MYLK: variants seen among roughly 807,000 people sequenced by gnomAD.
MYLK encodes myosin light chain kinase.
MYLK carries 106 observed loss-of-function variants against 203.4 expected under a neutral mutation model. That is an observed-to-expected ratio of 0.52 (90% CI 0.45 to 0.61). The LOEUF (loss-of-function observed/expected upper bound fraction) is 0.61. MYLK is among the 20% of genes least tolerant of loss of function. MYLK has a pLI of 0.00. For missense variants in MYLK, 2,072 were observed against 2,442.3 expected, an observed-to-expected ratio of 0.85 and a Z score of 3.20; for synonymous variants, 867 against 959.5, an observed-to-expected ratio of 0.90 and a Z score of 1.78.
chr3:123,813,667 C>T (rs1167705295), intron 3 of MYLK, among the ~76,000 whole-genome samples: 6 of 152,104 alleles, frequency 3.9e-5, no homozygotes, highest in Admixed American at 6.5e-5. Context: ...TGTGCGACCA[C>T]GCCTGACTAA....
intron 3 of MYLK, among the ~76,000 whole-genome samples, chr3:123,814,918 G>A (rs1276251041): frequency 1.3e-5 from 2 of 151,790 alleles, no homozygotes; most frequent in Non-Finnish European, 2.9e-5. Context: ...TCAGCCTCCC[G>A]AGTAGCTAGG....
At chr3:123,749,452 A>C (rs193024897) in intron 5 of MYLK, among the ~76,000 whole-genome samples, 188 of 152,276 alleles carry the variant, frequency 1.2e-3, no homozygotes, top group Non-Finnish European at 1.8e-3. Context: ...AGCTGTCTTC[A>C]GATAGCCTTC....
chr3:123,669,654 T>C (rs901964853), intron 20 of MYLK, among the ~76,000 whole-genome samples: 14 of 152,056 alleles, frequency 9.2e-5, no homozygotes, highest in African/African-American at 2.9e-4. Flanking sequence ...TATATACATA[T>C]ATATGTGTGT....
Position 123,697,504 on chromosome 3 carries a change from A to C in MYLK, c.3448+2516T>G, listed in dbSNP as rs12163585. On this transcript the variant is annotated intron_variant, in intron 18 of 33. Transcript: ENST00000360304. ...TCAGCTGCCACCAGTACCCTGATAA[A>C]ATAATAGGAATTAACTAAGAGGTCA... is the stretch of plus-strand genomic sequence containing the variant. Among the ~76,000 whole-genome samples, 5,600 of 152,268 alleles carry C rather than the reference A, an allele frequency of 0.037. 702 individuals are homozygous for C. The East Asian group carries it at 0.47, about 13-fold the overall frequency.
chr3:123,870,774 A>G (rs966502361), intron 2 of MYLK, among the ~76,000 whole-genome samples: 1 of 152,232 alleles, frequency 6.6e-6, no homozygotes, highest in Admixed American at 6.5e-5. Flanking sequence ...CCGTGCTCCA[A>G]TGGCAGAGAT....
In MYLK at chr3:123,735,274, C is replaced by G. The variant is rs569607621; in HGVS notation, c.773+124G>C. 7 of 1,297,236 alleles carry G rather than the reference C, an allele frequency of 5.4e-6. No individual in the cohort carries two copies. The South Asian group carries it at 7.1e-5, about 13-fold the overall frequency. 80.4% of individuals were successfully genotyped at this position (1,297,236 alleles called of 1,614,324 possible). The stretch of plus-strand genomic sequence containing the variant: ...AGACAAAACACCCAAAATAAAACAA[C>G]ATCCTCCAAATGGCCAATTCTTCTG... On this transcript the variant is annotated intron_variant, in intron 9 of 33. Transcript: ENST00000360304.
At chr3:123,883,273 C>A (rs2033658155) in intron 1 of MYLK, among the ~76,000 whole-genome samples, 1 of 152,048 alleles carries the variant, frequency 6.6e-6, no homozygotes, top group South Asian at 2.1e-4. Flanking sequence ...TAAAAACCAA[C>A]GGCCTGAGGT....
chr3:123,631,253 C>T (rs1017379792), intron 29 of MYLK, among the ~76,000 whole-genome samples: 2 of 152,208 alleles, frequency 1.3e-5, no homozygotes, highest in African/African-American at 4.8e-5. Flanking sequence ...CAAAAATTAG[C>T]TGGGCATGGT....
At chr3:123,759,842 T>C (rs2063479055) in intron 4 of MYLK, among the ~76,000 whole-genome samples, 1 of 152,310 alleles carries the variant, frequency 6.6e-6, no homozygotes, top group South Asian at 2.1e-4. Flanking sequence ...GGAAGCCATC[T>C]GGAGAATAAG....
At chr3:123,695,542 A>G (rs1248202871) in intron 18 of MYLK, among the ~76,000 whole-genome samples, 2 of 146,148 alleles carry the variant, frequency 1.4e-5, no homozygotes, top group African/African-American at 5.6e-5. Flanking sequence ...ATTGAAAAAG[A>G]TAATATATAG....
At chr3:123,780,220 C>T (rs949747683) in intron 4 of MYLK, among the ~76,000 whole-genome samples, 1 of 151,710 alleles carries the variant, frequency 6.6e-6, no homozygotes, top group African/African-American at 2.4e-5. Flanking sequence ...GATCACCTGA[C>T]GTCAGGAGTT....
chr3:123,843,441 C>A (rs2066641514), intron 2 of MYLK, among the ~76,000 whole-genome samples: 1 of 152,040 alleles, frequency 6.6e-6, no homozygotes, highest in Admixed American at 6.6e-5. Context: ...GGGAGCAGGA[C>A]AAGGAGACTA....
In MYLK at chr3:123,857,189, G is replaced by A. The variant is rs1389363949; in HGVS notation, c.-127+19370C>T. Among the ~76,000 whole-genome samples, 1,034 of 151,686 alleles carry A rather than the reference G, an allele frequency of 6.8e-3. 8 individuals carry two copies. The highest frequency in any genetic ancestry group is 0.016 in the African/African-American group (662 of 41,100). ...TGTGGAGAAATAGGAACACTTTTAC[G>A]CTGTTGGTGGGACTGTAAACTAGTT... is the stretch of plus-strand genomic sequence containing the variant. On this transcript the variant is annotated intron_variant, in intron 2 of 33. Transcript: ENST00000360304.
At chr3:123,619,604 C>G (rs2057730416) in intron 32 of MYLK, among the ~76,000 whole-genome samples, 1 of 152,166 alleles carries the variant, frequency 6.6e-6, no homozygotes, top group East Asian at 1.9e-4. Context: ...CAGGAAAAGG[C>G]TGGGGTTTTC....
chr3:123,853,357 G>C (rs2148671320), intron 2 of MYLK, among the ~76,000 whole-genome samples: 1 of 152,216 alleles, frequency 6.6e-6, no homozygotes, highest in African/African-American at 2.4e-5. Context: ...GAAAAGGAAA[G>C]GCTTTTTAAG....
In MYLK at chr3:123,708,741, G is replaced by A. The variant is rs751748206; in HGVS notation, c.2097C>T (p.Asn699=). 1.2e-6 allele frequency: 2 copies of A among 1,614,184 alleles called. No homozygotes were observed. The highest frequency in any genetic ancestry group is 1.7e-6 in the Non-Finnish European group (2 of 1,180,040). ...CCTGGGTGCGGACCTCTCCAGCGCT[G>A]TTCCAGGCCTCGCAGGTGTACGTGC... ...DTGTYTCEAW[N]SAGEVRTQAV... Residue 699 remains asparagine (N), a synonymous_variant, in exon 15 of 34, where the codon AAC becomes AAT. Coordinates refer to ENST00000360304, the MANE Select transcript of MYLK (RefSeq NM_053025.4).
intron 2 of MYLK, among the ~76,000 whole-genome samples, chr3:123,843,713 C>A (rs560366490): frequency 6.6e-6 from 1 of 152,284 alleles, no homozygotes; most frequent in African/African-American, 2.4e-5. Flanking sequence ...CAGCAAGAAA[C>A]AGGAAGGAAG....
At position 123,640,616 on chromosome 3, in the gene MYLK, G is replaced by A; in HGVS notation, c.4620-112C>T. The A allele has an allele frequency of 1.8e-6, 2 of 1,119,306 alleles. No homozygotes were observed. Among genetic ancestry groups the A allele is most frequent in the Non-Finnish European group, 2.7e-6 (2 of 751,722 alleles). The allele number at this position is 1,119,306 out of a possible 1,614,324, so 69.3% of individuals were successfully genotyped here. A position where few individuals can be genotyped will look rare whatever the true frequency, so the allele number is the denominator to read the frequency against. ...AGGAGAAATTGGCAGGAAAGCCCAG[G>A]GAATGGGGGTGATGGGCAATTCCTG... On this transcript the variant is annotated intron_variant, in intron 27 of 33. Coordinates refer to ENST00000360304, the MANE Select transcript of MYLK (RefSeq NM_053025.4). The surrounding 1 kb of genome is among the most constrained non-coding windows in gnomAD (Gnocchi z 4.3).
intron 4 of MYLK, among the ~76,000 whole-genome samples, chr3:123,792,663 C>A (rs540745908): frequency 1.2e-4 from 19 of 152,140 alleles, no homozygotes; most frequent in Non-Finnish European, 2.5e-4. Flanking sequence ...GAGCCCCCAG[C>A]GATTCTTCCT....
Sources: gnomAD v4.1 joint callset for allele counts (sites outside exome capture counted in the v4.1 genomes callset) on GRCh38, gnomAD v4.1.1 for gene constraint, Gnocchi (gnomAD v3.1) non-coding constraint, MANE v1.5 for transcripts, NCBI Gene and HGNC (gene_info 2026-07-23, HGNC 2026-07-21) for gene names.